MAP3K20: variants seen among roughly 807,000 people sequenced by gnomAD.
MAP3K20 encodes the protein mitogen-activated protein kinase kinase kinase 20, also known as HCCS-4.
In MAP3K20, 40 loss-of-function variants were observed where a neutral mutation model predicts 85.7. The ratio of observed to expected loss-of-function variants is 0.47; its 90% confidence interval spans 0.36 to 0.61. The LOEUF (loss-of-function observed/expected upper bound fraction) is 0.61. Ranked by LOEUF, MAP3K20 falls within the 20% of genes least tolerant of loss-of-function variation. MAP3K20 has a pLI of 0.00. For synonymous variants in MAP3K20, 325 were observed against 327.7 expected (o/e 0.99, Z 0.09); for missense variants, 817 against 961.7 (o/e 0.85, Z 1.99).
intron 2 of MAP3K20, among the ~76,000 whole-genome samples, chr2:173,138,615 G>C (rs1033902544): frequency 6.6e-6 from 1 of 152,158 alleles, no homozygotes; most frequent in Admixed American, 6.5e-5. Flanking sequence ...GTTCAGATAG[G>C]TGATGTTCAG....
rs57836780 is a variant in MAP3K20 at position 173,173,154 on chromosome 2, C to CTGTGTG, written c.247+3300_247+3305dup. ...CTGTACTACTCCCATTCTTTTATTT[C>CTGTGTG]TGTGTGTGTGTGTGTGTGTGTGTGT... On this transcript the variant is annotated intron_variant, in intron 3 of 19. Coordinates refer to ENST00000375213, the MANE Select transcript of MAP3K20 (RefSeq NM_016653.3). Among the ~76,000 whole-genome samples, 797 of 138,596 alleles carry CTGTGTG rather than the reference C, an allele frequency of 5.8e-3. 6 individuals are homozygous for CTGTGTG. The highest frequency in any genetic ancestry group is 0.022 in the Admixed American group (290 of 13,444). 90.9% of individuals were successfully genotyped at this position (138,596 alleles called of 152,430 possible). A position where few individuals can be genotyped will look rare whatever the true frequency, so the allele number is the denominator to read the frequency against.
intron 5 of MAP3K20, among the ~76,000 whole-genome samples, chr2:173,189,496 T>G (rs1690587605): frequency 6.6e-6 from 1 of 152,214 alleles, no homozygotes; most frequent in African/African-American, 2.4e-5. Flanking sequence ...ATAAAAGCCC[T>G]ATTTACATAT....
intron 16 of MAP3K20, among the ~76,000 whole-genome samples, chr2:173,254,200 G>A (rs1049310581): frequency 1.3e-5 from 2 of 151,922 alleles, no homozygotes; most frequent in Non-Finnish European, 2.9e-5. Flanking sequence ...CGGATCATGA[G>A]GTTAGGAGAT....
At chr2:173,261,239 AG>A in intron 18 of MAP3K20, 102 bp downstream of exon 18, 1 of 1,226,334 alleles carries the variant, frequency 8.2e-7, no homozygotes, top group South Asian at 1.4e-5. Flanking sequence ...ATATACCCAG[AG>A]CATATAATTT....
intron 9 of MAP3K20, among the ~76,000 whole-genome samples, chr2:173,205,119 A>AAAAAAC (rs1683638647): frequency 1.4e-5 from 2 of 139,550 alleles, no homozygotes; most frequent in East Asian, 2.1e-4. Context: ...AAAAAAAAAA[A>AAAAAAC]AAATAAATAA....
At position 173,268,009 on chromosome 2, in the gene MAP3K20, A is replaced by G. The variant is rs895714816; in HGVS notation, c.*1259A>G. 5.9e-5 allele frequency: 9 copies of G among 152,362 alleles called. No individual in the cohort carries two copies. The South Asian group carries it at 6.2e-4, about 11-fold the overall frequency. 9.4% of individuals were successfully genotyped at this position (152,362 alleles called of 1,614,324 possible). A position where few individuals can be genotyped will look rare whatever the true frequency, so the allele number is the denominator to read the frequency against. On this transcript the variant is annotated 3_prime_UTR_variant, in exon 20 of 20. Transcript: ENST00000375213. Reference sequence around the variant, plus strand: ...CAAATCAATAAATGTTACTTTCAATATTCTGAGATTCTGTTCAGCATTCAC... The same window carrying G: ...CAAATCAATAAATGTTACTTTCAATGTTCTGAGATTCTGTTCAGCATTCAC...
At chr2:173,076,615 A>T (rs1686870095) in intron 1 of MAP3K20, among the ~76,000 whole-genome samples, 1 of 152,248 alleles carries the variant, frequency 6.6e-6, no homozygotes, top group South Asian at 2.1e-4. Flanking sequence ...AACCAGCAGG[A>T]ACAATGAACA....
chr2:173,129,823 TAAGTG>T (rs1220438936), intron 2 of MAP3K20, among the ~76,000 whole-genome samples: 1 of 152,214 alleles, frequency 6.6e-6, no homozygotes, highest in Non-Finnish European at 1.5e-5. Context: ...GAAGCTCACT[TAAGTG>T]GAGTCAAGAA....
At chr2:173,189,849 A>G (rs535681074) in intron 5 of MAP3K20, among the ~76,000 whole-genome samples, 1 of 152,162 alleles carries the variant, frequency 6.6e-6, no homozygotes, top group Non-Finnish European at 1.5e-5. Flanking sequence ...CATCCTAAAT[A>G]TTTTTTGACT....
chr2:173,245,798 G>A (rs779909531), intron 16 of MAP3K20, among the ~76,000 whole-genome samples: 4 of 152,110 alleles, frequency 2.6e-5, no homozygotes, highest in Non-Finnish European at 4.4e-5. Context: ...TGGGTGTGGT[G>A]GCCTGCGCCT....
intron 14 of MAP3K20, among the ~76,000 whole-genome samples, chr2:173,237,188 C>G (rs1684674532): frequency 6.6e-6 from 1 of 151,866 alleles, no homozygotes; most frequent in Non-Finnish European, 1.5e-5. Flanking sequence ...TACACCACAC[C>G]TGGCTAATTT....
At position 173,225,271 on chromosome 2, in the gene MAP3K20, G is replaced by A. The variant is rs111338060; in HGVS notation, c.988-4418G>A. The A allele has an allele frequency of 1.7e-3, 725 of 430,292 alleles. 7 individuals are homozygous for A. The highest frequency in any genetic ancestry group is 0.015 in the African/African-American group (690 of 46,742). The allele number at this position is 430,292 out of a possible 1,614,324, so 26.7% of individuals were successfully genotyped here. On this transcript the variant is annotated intron_variant, in intron 11 of 19. Transcript: ENST00000375213. Reference sequence around the variant, plus strand: ...TGCCAGGAATAGTAACATTATGAATGCCAGGGACAGTGTGCTCAGTAAAGT... The same window carrying A: ...TGCCAGGAATAGTAACATTATGAATACCAGGGACAGTGTGCTCAGTAAAGT...
At chr2:173,242,690 G>A (rs890448435) in intron 16 of MAP3K20, among the ~76,000 whole-genome samples, 7 of 135,172 alleles carry the variant, frequency 5.2e-5, no homozygotes, top group Non-Finnish European at 7.8e-5. Flanking sequence ...CCCATCCAGA[G>A]TAATCTTTCT....
At chr2:173,203,311 G>C (rs1011555281) in intron 8 of MAP3K20, among the ~76,000 whole-genome samples, 1 of 152,104 alleles carries the variant, frequency 6.6e-6, no homozygotes, top group African/African-American at 2.4e-5. Flanking sequence ...CGTTCAGAAT[G>C]TCTTATTTAC....
Position 173,261,813 on chromosome 2 carries a change from T to C in MAP3K20, c.1551+676T>C, listed in dbSNP as rs117333254. 3.1e-4 allele frequency among the ~76,000 whole-genome samples: 47 copies of C among 152,028 alleles called. 1 individual carries two copies. In the East Asian group the frequency reaches 8.5e-3, roughly 28 times the overall value. ...GGGCAGATCACTTGAGCCCAAGAGT[T>C]TGAGACCAGCCTGGGCAGCATTATG... On this transcript the variant is annotated intron_variant, in intron 18 of 19. Transcript: ENST00000375213.
chr2:173,144,196 G>A (rs776601948), intron 2 of MAP3K20, among the ~76,000 whole-genome samples: 1 of 151,894 alleles, frequency 6.6e-6, no homozygotes, highest in East Asian at 1.9e-4. Flanking sequence ...GGGTGTGGTG[G>A]CTCACGCCTG....
intron 11 of MAP3K20, chr2:173,222,854 T>C: frequency 1.0e-6 from 1 of 985,418 alleles, no homozygotes; most frequent in East Asian, 1.1e-4. Flanking sequence ...TGTTATCACC[T>C]GTTTGTCAAA....
intron 3 of MAP3K20, among the ~76,000 whole-genome samples, chr2:173,170,128 G>A (rs1689956702): frequency 6.6e-6 from 1 of 152,138 alleles, no homozygotes; most frequent in South Asian, 2.1e-4. Context: ...CTATTTAAAT[G>A]CACTCGCAGC....
At chr2:173,158,952 G>A (rs1689559990) in intron 2 of MAP3K20, among the ~76,000 whole-genome samples, 1 of 152,210 alleles carries the variant, frequency 6.6e-6, no homozygotes, top group African/African-American at 2.4e-5. Flanking sequence ...CCTACTCTGT[G>A]TGCTGTTAAT....
Sources: gnomAD v4.1 joint callset for allele counts (sites outside exome capture counted in the v4.1 genomes callset) on GRCh38, gnomAD v4.1.1 for gene constraint, MANE v1.5 for transcripts, NCBI Gene and HGNC (gene_info 2026-07-23, HGNC 2026-07-21) for gene names.